UBR2: variants seen among roughly 807,000 people sequenced by gnomAD.
UBR2 encodes ubiquitin protein ligase E3 component n-recognin 2, also known as E3 ubiquitin-protein ligase UBR2.
A neutral mutation model predicts 247.9 loss-of-function variants in UBR2; 92 were observed. That is an observed-to-expected ratio of 0.37 (90% CI 0.31 to 0.44). UBR2 has a LOEUF of 0.44. Ranked by LOEUF, UBR2 falls within the 20% of genes least tolerant of loss-of-function variation. The probability of loss-of-function intolerance (pLI) is 1.00; values close to 1 mark genes in which losing one functional copy is unlikely to be tolerated. For missense variants in UBR2, 1,613 were observed against 2,112.6 expected (o/e 0.76, Z 4.64); for synonymous variants, 672 against 693.5 (o/e 0.97, Z 0.49).
intron 34 of UBR2, among the ~76,000 whole-genome samples, 173 bp downstream of exon 34, chr6:42,666,418 A>T (rs569490222): frequency 8.5e-4 from 129 of 152,274 alleles, no homozygotes; most frequent in Non-Finnish European, 1.4e-3. Context: ...TGAGCCCCAG[A>T]GGTGGAGGCT....
At chr6:42,617,999 C>T (rs1305679190) in intron 11 of UBR2, among the ~76,000 whole-genome samples, 6 of 152,156 alleles carry the variant, frequency 3.9e-5, no homozygotes, top group Non-Finnish European at 7.3e-5. Flanking sequence ...TATGTTTTAA[C>T]GCTATATACA....
intron 3 of UBR2, 52 bp from the exon 4 acceptor site, chr6:42,594,139 A>T: frequency 3.7e-6 from 5 of 1,345,948 alleles, no homozygotes; most frequent in Non-Finnish European, 5.3e-6. Flanking sequence ...TTATTATCTG[A>T]TAGCCCTCAG....
intron 2 of UBR2, 51 bp from the exon 3 acceptor site, chr6:42,592,100 A>C: frequency 6.7e-7 from 1 of 1,496,170 alleles, no homozygotes; most frequent in South Asian, 1.2e-5. Context: ...TTCTGTTGTG[A>C]AATATATAGT....
intron 45 of UBR2, 99 bp downstream of exon 45, chr6:42,688,485 A>G (rs1799570987): frequency 2.9e-6 from 4 of 1,394,726 alleles, no homozygotes; most frequent in African/African-American, 1.4e-5. Flanking sequence ...TTTTGAGACT[A>G]CTGTTCCGTG....
intron 34 of UBR2, among the ~76,000 whole-genome samples, chr6:42,667,107 G>A (rs1054103305): frequency 6.6e-6 from 1 of 152,092 alleles, no homozygotes. Flanking sequence ...AGGCCATGGC[G>A]GGCAGATCAC....
intron 14 of UBR2, 39 bp from the exon 15 acceptor site, chr6:42,636,971 CA>C (rs1209070199): frequency 6.3e-7 from 1 of 1,585,818 alleles, no homozygotes; most frequent in East Asian, 2.3e-5. Flanking sequence ...TGTAAAAACT[CA>C]ACCTTTTGAG....
intron 31 of UBR2, 52 bp from the exon 32 acceptor site, chr6:42,663,206 C>G: frequency 7.1e-7 from 1 of 1,406,490 alleles, no homozygotes; most frequent in Non-Finnish European, 9.4e-7. Flanking sequence ...TTATGGCTGT[C>G]ATTTATGTAA....
chr6:42,619,863 G>A, intron 11 of UBR2: 2 of 716,716 alleles, frequency 2.8e-6, no homozygotes, highest in Non-Finnish European at 3.4e-6. Context: ...GACCACAGAT[G>A]CATGCCACCA....
intron 21 of UBR2, 81 bp from the exon 22 acceptor site, chr6:42,648,037 G>C (rs1796882182): frequency 1.8e-6 from 2 of 1,123,730 alleles, no homozygotes; most frequent in Non-Finnish European, 2.7e-6. Flanking sequence ...GTTGTTATGA[G>C]GGTCAATGAG....
intron 5 of UBR2, 95 bp from the exon 6 acceptor site, chr6:42,605,626 G>A: frequency 8.9e-7 from 1 of 1,122,776 alleles, no homozygotes; most frequent in African/African-American, 1.6e-5. Context: ...CCAGTACCTA[G>A]CACATTGCAT....
At chr6:42,675,839 C>T (rs1014126863) in intron 38 of UBR2, among the ~76,000 whole-genome samples, 1 of 152,138 alleles carries the variant, frequency 6.6e-6, no homozygotes, top group African/African-American at 2.4e-5. Flanking sequence ...CGCCTGTAAT[C>T]CCAGCTACTC....
intron 45 of UBR2, 94 bp downstream of exon 45, chr6:42,688,480 A>G: frequency 7.0e-7 from 1 of 1,432,932 alleles, no homozygotes; most frequent in Admixed American, 2.0e-5. Flanking sequence ...AGGAATTTTG[A>G]GACTACTGTT....
intron 11 of UBR2, among the ~76,000 whole-genome samples, chr6:42,632,056 T>TAA (rs1296746615): frequency 0.011 from 1,339 of 126,888 alleles, 26 homozygotes; most frequent in African/African-American, 0.033. Context: ...TTTGCTTATT[T>TAA]AAAAAAAAAA....
rs147976047 is a variant in UBR2 at position 42,658,288 on chromosome 6, G to C, written c.3031G>C (p.Val1011Leu). Residue 1011 changes from valine (V) to leucine (L), a missense_variant, in exon 28 of 47, where the codon GTG becomes CTG. By Grantham distance (32) the Val-to-Leu change is conservative. Coordinates refer to ENST00000372901, the MANE Select transcript of UBR2 (RefSeq NM_001363705.2). ...KMRESSPTSP[V>L]AETEGTIMEE... ...GAGGGAGAGTTCACCTACCAGTCCC[G>C]TGGCAGAGACAGAAGGAACCATAAT... is the stretch of plus-strand genomic sequence containing the variant. 36 of 1,613,730 alleles carry C rather than the reference G, an allele frequency of 2.2e-5. No individual in the cohort carries two copies. Among genetic ancestry groups the C allele is most frequent in the Non-Finnish European group, 3.0e-5 (35 of 1,179,920 alleles).
chr6:42,647,416 C>CT (rs1796833287), intron 21 of UBR2, among the ~76,000 whole-genome samples: 3 of 61,492 alleles, frequency 4.9e-5, no homozygotes, highest in South Asian at 6.1e-4. Context: ...CCCATCGCTA[C>CT]TAAAAAAAAA....
chr6:42,682,667 G>A (rs569990970), intron 42 of UBR2, among the ~76,000 whole-genome samples: 4 of 152,120 alleles, frequency 2.6e-5, no homozygotes, highest in South Asian at 2.1e-4. Flanking sequence ...TAATCTTCCC[G>A]CCTCAGCCTC....
chr6:42,632,982 T>C, intron 13 of UBR2, 78 bp downstream of exon 13: 5 of 1,027,342 alleles, frequency 4.9e-6, no homozygotes, highest in South Asian at 2.2e-5. Flanking sequence ...TTTTAATTTT[T>C]CTTTTTCTTT....
At chr6:42,619,413 A>G (rs1794759169) in intron 11 of UBR2, 1 of 7,762 alleles carries the variant, frequency 1.3e-4, no homozygotes, top group Admixed American at 2.3e-3. Context: ...CGTTATGAAC[A>G]TATATATATA....
chr6:42,605,577 G>A, intron 5 of UBR2, 144 bp from the exon 6 acceptor site: 1 of 601,882 alleles, frequency 1.7e-6, no homozygotes, highest in Non-Finnish European at 2.6e-6. Flanking sequence ...TAGTATCACA[G>A]AGCATAGGAC....
Sources: allele counts gnomAD v4.1 joint callset (sites outside exome capture counted in the v4.1 genomes callset), GRCh38; gene constraint gnomAD v4.1.1; transcripts MANE v1.5; gene names NCBI Gene and HGNC (gene_info 2026-07-23, HGNC 2026-07-21).